AGPS: variants seen among roughly 807,000 people sequenced by gnomAD.
AGPS encodes the protein alkylglycerone phosphate synthase.
Under a neutral mutation model 90.7 loss-of-function variants are expected in AGPS, and 26 were observed. The ratio of observed to expected loss-of-function variants is 0.29; its 90% CI spans 0.21 to 0.40. The LOEUF is 0.40. Among genes scored for constraint, AGPS ranks in the 10% least tolerant of loss-of-function variants. The pLI is 1.00. For missense variants in AGPS, 540 were observed against 816.1 expected (o/e 0.66, Z 4.12); for synonymous variants, 294 against 285.3 (o/e 1.03, Z -0.31).
chr2:177,436,098 T>G (rs1009356029), intron 3 of AGPS, among the ~76,000 whole-genome samples: 2 of 151,322 alleles, frequency 1.3e-5, no homozygotes, highest in African/African-American at 2.4e-5. Flanking sequence ...GGCTTTCTGT[T>G]GATCACTTTA....
At chr2:177,450,964 A>ATATATATATACACATATATGTATATATG (rs1553511651) in intron 8 of AGPS, among the ~76,000 whole-genome samples, 6,093 of 123,752 alleles carry the variant, frequency 0.049, 1,060 homozygotes, top group African/African-American at 0.21. Context: ...CATGTCTTTC[A>ATATATATATACACATATATGTATATATG]TATATATATA....
At chr2:177,419,969 T>C (rs1685899662) in intron 1 of AGPS, among the ~76,000 whole-genome samples, 1 of 151,850 alleles carries the variant, frequency 6.6e-6, no homozygotes, top group South Asian at 2.1e-4. Context: ...ATGTACAAAA[T>C]GAGACATTTA....
intron 2 of AGPS, among the ~76,000 whole-genome samples, chr2:177,432,796 G>A (rs1404475824): frequency 6.6e-6 from 1 of 152,158 alleles, no homozygotes; most frequent in Non-Finnish European, 1.5e-5. Flanking sequence ...CATGGCATCA[G>A]GGTCTGCTTC....
At chr2:177,506,694 T>C (rs1027589273) in intron 15 of AGPS, among the ~76,000 whole-genome samples, 2 of 151,994 alleles carry the variant, frequency 1.3e-5, no homozygotes, top group Admixed American at 6.5e-5. Flanking sequence ...AGTAAAAGTA[T>C]ATTTATTGCC....
At chr2:177,460,544 C>G (rs1408287514) in intron 8 of AGPS, among the ~76,000 whole-genome samples, 1 of 152,196 alleles carries the variant, frequency 6.6e-6, no homozygotes, top group Non-Finnish European at 1.5e-5. Flanking sequence ...TGTGAAACCT[C>G]TCTTTTCAGT....
At chr2:177,393,156 G>C in intron 1 of AGPS, 107 bp downstream of exon 1, 1 of 1,548,480 alleles carries the variant, frequency 6.5e-7, no homozygotes. Flanking sequence ...GTGGGCGGAA[G>C]GCATCCCGGT....
At chr2:177,528,745 A>G (rs2079111249) in intron 19 of AGPS, among the ~76,000 whole-genome samples, 1 of 152,038 alleles carries the variant, frequency 6.6e-6, no homozygotes, top group South Asian at 2.1e-4. Flanking sequence ...TAAATGCTCA[A>G]TGAATATGTT....
intron 11 of AGPS, among the ~76,000 whole-genome samples, chr2:177,490,644 T>C (rs1688226139): frequency 6.6e-6 from 1 of 152,142 alleles, no homozygotes; most frequent in Non-Finnish European, 1.5e-5. Flanking sequence ...TTAGTTGCTA[T>C]ATGATACAGC....
chr2:177,528,458 C>G (rs1325121911), intron 19 of AGPS, among the ~76,000 whole-genome samples: 2 of 152,210 alleles, frequency 1.3e-5, no homozygotes, highest in Non-Finnish European at 2.9e-5. Flanking sequence ...ACATACTAAT[C>G]CCTTTTCCCA....
chr2:177,469,788 G>A (rs1574394631), intron 10 of AGPS, among the ~76,000 whole-genome samples: 3 of 151,998 alleles, frequency 2.0e-5, no homozygotes, highest in Non-Finnish European at 1.5e-5. Context: ...CATAATTGGA[G>A]TCAACTCTAT....
chr2:177,470,696 G>A (rs1487521283), intron 10 of AGPS, among the ~76,000 whole-genome samples: 11 of 128,666 alleles, frequency 8.5e-5, no homozygotes, highest in African/African-American at 1.5e-4. Flanking sequence ...GGGTGATGGA[G>A]TGAGACTTTG....
At chr2:177,527,170 G>A (rs2079096775) in intron 19 of AGPS, among the ~76,000 whole-genome samples, 1 of 152,014 alleles carries the variant, frequency 6.6e-6, no homozygotes, top group Admixed American at 6.6e-5. Flanking sequence ...GCTCACACCT[G>A]TAATCCCAAC....
At chr2:177,419,375 A>T (rs1685879462) in intron 1 of AGPS, among the ~76,000 whole-genome samples, 1 of 151,952 alleles carries the variant, frequency 6.6e-6, no homozygotes, top group Non-Finnish European at 1.5e-5. Context: ...TAAACTGCAT[A>T]GTTGAATTTG....
At position 177,445,550 on chromosome 2, in the gene AGPS, G is replaced by A. The variant is rs1372190083; in HGVS notation, c.794G>A (p.Arg265Gln). ...IISLDTSQMN[R>Q]ILWVDENNLT... ...TTCTTTCTTCCTTTGCAACAGAATCGAATTCTCTGGGTTGATGAGAACAAT... is the reference window on the plus strand; with the variant it reads ...TTCTTTCTTCCTTTGCAACAGAATCAAATTCTCTGGGTTGATGAGAACAAT... The change falls in exon 8 of 20, where the codon CGA (arginine) becomes CAA (glutamine). Residue 265 changes from arginine (R) to glutamine (Q), a missense_variant. Physicochemically the swap from Arg to Gln is conservative, Grantham distance 43. Around this residue, in one of 2 missense-constraint regions of AGPS, gnomAD observed 405 missense variants for 692.1 expected, o/e 0.59. Transcript: ENST00000264167. The A allele has an allele frequency of 4.2e-5, 67 of 1,613,250 alleles. No individual in the cohort carries two copies. Among genetic ancestry groups the A allele is most frequent in the Middle Eastern group, 1.6e-4 (1 of 6,080 alleles).
intron 3 of AGPS, 90 bp downstream of exon 3, chr2:177,434,507 AT>A: frequency 2.0e-6 from 2 of 978,352 alleles, no homozygotes; most frequent in Admixed American, 2.1e-5. Flanking sequence ...ATTATATTGG[AT>A]TTACTGCAAC....
chr2:177,423,313 T>G lies in AGPS; in HGVS notation c.350+2955T>G. ...AAATGGAATTCATGACTACGAAGAC[T>G]GAGTACAAGAAAACACTGTTTGGCT... On this transcript the variant is annotated intron_variant, in intron 2 of 19. Transcript: ENST00000264167. Among the ~76,000 whole-genome samples the G allele has an allele frequency of 1.3e-5, 2 of 150,476 alleles. 1 individual carries two copies. Among genetic ancestry groups the G allele is most frequent in the Non-Finnish European group, 3.0e-5 (2 of 67,670 alleles).
chr2:177,502,903 C>G (rs1688601829), intron 14 of AGPS, among the ~76,000 whole-genome samples: 1 of 152,150 alleles, frequency 6.6e-6, no homozygotes, highest in Admixed American at 6.5e-5. Flanking sequence ...ATCATCTCTC[C>G]TGCATAACAA....
intron 8 of AGPS, among the ~76,000 whole-genome samples, chr2:177,454,619 A>G (rs1000110352): frequency 6.6e-6 from 1 of 150,934 alleles, no homozygotes; most frequent in Admixed American, 6.6e-5. Context: ...TTAATTTTAT[A>G]TTTTTAATTT....
chr2:177,507,415 G>A lies in AGPS; in HGVS notation c.1546-555G>A, dbSNP rs570479525. Reference sequence around the variant, plus strand: ...ATCCTCTATACTGTAAAATATTTTCGTAGTAGAAGTGCCTCCAGATGTTTG... The same window carrying A: ...ATCCTCTATACTGTAAAATATTTTCATAGTAGAAGTGCCTCCAGATGTTTG... On this transcript the variant is annotated intron_variant, in intron 15 of 19. Transcript: ENST00000264167. 9.2e-5 allele frequency among the ~76,000 whole-genome samples: 14 copies of A among 152,002 alleles called. No homozygotes were observed. The East Asian group carries it at 9.7e-4, about 10-fold the overall frequency.
Sources: allele counts gnomAD v4.1 joint callset (sites outside exome capture counted in the v4.1 genomes callset), GRCh38; gene constraint gnomAD v4.1.1; regional missense constraint gnomAD v4.1.1; transcripts MANE v1.5; gene names NCBI Gene and HGNC (gene_info 2026-07-23, HGNC 2026-07-21).